RAB2A: variants seen among roughly 807,000 people sequenced by gnomAD.
RAB2A encodes the protein ras-related protein Rab-2A.
A neutral mutation model predicts 32.5 loss-of-function variants in RAB2A; 7 were observed. That is an observed-to-expected ratio of 0.22 (90% CI 0.12 to 0.40). The LOEUF (loss-of-function observed/expected upper bound fraction) is 0.40. Among genes scored for constraint, RAB2A ranks in the 10% least tolerant of loss-of-function variants. The pLI is 1.00. For synonymous variants in RAB2A, 79 were observed against 85.2 expected (o/e 0.93, Z 0.40); for missense variants, 108 against 260.7 (o/e 0.41, Z 4.03).
chr8:60,536,283 A>G (rs1807555094), intron 1 of RAB2A, among the ~76,000 whole-genome samples: 1 of 150,762 alleles, frequency 6.6e-6, no homozygotes, highest in Non-Finnish European at 1.5e-5. Context: ...TTAATACATT[A>G]TTTCTTTGGC....
intron 2 of RAB2A, among the ~76,000 whole-genome samples, chr8:60,564,601 A>T (rs1336816077): frequency 6.6e-6 from 1 of 152,150 alleles, no homozygotes; most frequent in Non-Finnish European, 1.5e-5. Flanking sequence ...TCTAATAGAC[A>T]TCTTAAACTG....
chr8:60,605,620 C>T (rs1469170451), intron 6 of RAB2A, among the ~76,000 whole-genome samples: 1 of 152,038 alleles, frequency 6.6e-6, no homozygotes, highest in South Asian at 2.1e-4. Flanking sequence ...GTGCCCTGGA[C>T]GTGGGACATG....
chr8:60,576,629 CAT>C (rs764958241), intron 3 of RAB2A, among the ~76,000 whole-genome samples: 30 of 152,226 alleles, frequency 2.0e-4, no homozygotes, highest in Admixed American at 3.9e-4. Context: ...CTTTGAAAAA[CAT>C]GTTACTTTAT....
intron 5 of RAB2A, among the ~76,000 whole-genome samples, chr8:60,585,573 A>G (rs9643524): frequency 0.24 from 36,014 of 152,024 alleles, 4,321 homozygotes; most frequent in Middle Eastern, 0.39. Context: ...TGGGCCTCCA[A>G]AAGTACTGGG....
intron 2 of RAB2A, 101 bp from the exon 3 acceptor site, chr8:60,571,945 C>G: frequency 1.3e-6 from 1 of 750,142 alleles, no homozygotes; most frequent in Non-Finnish European, 2.2e-6. Context: ...TGTATATTAC[C>G]TAGCATAGCA....
At chr8:60,602,404 A>G (rs1487263438) in intron 6 of RAB2A, among the ~76,000 whole-genome samples, 1 of 152,238 alleles carries the variant, frequency 6.6e-6, no homozygotes, top group Non-Finnish European at 1.5e-5. Context: ...GCAATTCCTT[A>G]ATATCTAATA....
intron 6 of RAB2A, among the ~76,000 whole-genome samples, chr8:60,594,038 G>A (rs964072173): frequency 6.6e-6 from 1 of 152,078 alleles, no homozygotes; most frequent in Admixed American, 6.5e-5. Context: ...GAAAGAAATA[G>A]TGAACTGGAT....
chr8:60,581,026 A>T (rs892094541), intron 3 of RAB2A, among the ~76,000 whole-genome samples: 5 of 152,300 alleles, frequency 3.3e-5, no homozygotes, highest in South Asian at 4.1e-4. Context: ...GTATTACAGT[A>T]GCTCTTCCTT....
At chr8:60,519,298 A>G (rs1807263870) in intron 1 of RAB2A, among the ~76,000 whole-genome samples, 1 of 152,176 alleles carries the variant, frequency 6.6e-6, no homozygotes, top group Non-Finnish European at 1.5e-5. Flanking sequence ...TCTATATTTT[A>G]GCCCCTATCT....
intron 6 of RAB2A, among the ~76,000 whole-genome samples, chr8:60,614,709 C>G (rs1804420195): frequency 6.6e-6 from 1 of 152,054 alleles, no homozygotes; most frequent in Admixed American, 6.5e-5. Flanking sequence ...GAAATTTTGC[C>G]TTAAGTTTAG....
intron 1 of RAB2A, among the ~76,000 whole-genome samples, chr8:60,531,935 T>C (rs994707626): frequency 2.0e-5 from 3 of 152,016 alleles, no homozygotes; most frequent in African/African-American, 4.8e-5. Context: ...CCCGAGTAGC[T>C]GGGATTACAG....
intron 1 of RAB2A, among the ~76,000 whole-genome samples, chr8:60,521,529 C>T (rs1168027296): frequency 6.6e-6 from 1 of 152,160 alleles, no homozygotes; most frequent in Non-Finnish European, 1.5e-5. Context: ...CTTCTAATTC[C>T]CATCCTCCTG....
Position 60,552,832 on chromosome 8 carries a change from A to G in RAB2A, c.47-6020A>G, listed in dbSNP as rs552215102. The stretch of plus-strand genomic sequence containing the variant: ...CTCTTATCAGTCAACAATTTAGACA[A>G]GTTTTCTAGTAAGAAGGGTATGAGG... On this transcript the variant is annotated intron_variant, in intron 1 of 7. Transcript: ENST00000262646. 7.9e-5 allele frequency: 12 copies of G among 152,322 alleles called. No homozygotes were observed. The East Asian group carries it at 1.3e-3, about 17-fold the overall frequency. 9.4% of individuals were successfully genotyped at this position (152,322 alleles called of 1,614,324 possible). A position where few individuals can be genotyped will look rare whatever the true frequency, so the allele number is the denominator to read the frequency against.
intron 1 of RAB2A, among the ~76,000 whole-genome samples, chr8:60,531,333 G>T (rs1331089849): frequency 1.3e-5 from 2 of 152,272 alleles, no homozygotes; most frequent in East Asian, 3.9e-4. Context: ...CTCGATTAAT[G>T]TGGTGTCTGT....
chr8:60,560,069 G>C (rs750493163), intron 2 of RAB2A, among the ~76,000 whole-genome samples: 1 of 152,126 alleles, frequency 6.6e-6, no homozygotes, highest in Non-Finnish European at 1.5e-5. Context: ...ACTCATGCTG[G>C]TCCTGATAAC....
At chr8:60,590,581 G>A (rs1485589482) in intron 5 of RAB2A, among the ~76,000 whole-genome samples, 1 of 134,866 alleles carries the variant, frequency 7.4e-6, no homozygotes, top group Non-Finnish European at 1.5e-5. Flanking sequence ...TTTAATATAT[G>A]TATTTTATAT....
At chr8:60,597,183 G>A (rs1177864072) in intron 6 of RAB2A, among the ~76,000 whole-genome samples, 1 of 152,084 alleles carries the variant, frequency 6.6e-6, no homozygotes, top group Non-Finnish European at 1.5e-5. Context: ...CAAAGACTTG[G>A]AACCAACCCA....
intron 6 of RAB2A, among the ~76,000 whole-genome samples, chr8:60,598,564 A>T (rs1478052669): frequency 1.3e-5 from 2 of 152,146 alleles, no homozygotes; most frequent in Non-Finnish European, 2.9e-5. Context: ...AAGTATATAT[A>T]CATCATGGCC....
chr8:60,584,049 C>A, intron 3 of RAB2A, 159 bp from the exon 4 acceptor site: 2 of 592,044 alleles, frequency 3.4e-6, no homozygotes, highest in Non-Finnish European at 6.1e-6. Flanking sequence ...TGAGCAATAG[C>A]GGTGTTTTGT....
Sources: allele counts gnomAD v4.1 joint callset (sites outside exome capture counted in the v4.1 genomes callset), GRCh38; gene constraint gnomAD v4.1.1; transcripts MANE v1.5; gene names NCBI Gene and HGNC (gene_info 2026-07-23, HGNC 2026-07-21).